SPAG16: variants seen among roughly 807,000 people sequenced by gnomAD.
SPAG16 encodes sperm associated antigen 16, also known as sperm-associated antigen 16 protein.
SPAG16 carries 86 observed loss-of-function variants against 80.4 expected under a neutral mutation model. The observed-to-expected ratio is 1.07, with a 90% CI of 0.90 to 1.28. The LOEUF is 1.28. Among genes scored for constraint, SPAG16 ranks in the 50% most tolerant of loss-of-function variants. The probability of loss-of-function intolerance (pLI) is 0.00; values close to 1 mark genes in which losing one functional copy is unlikely to be tolerated. For missense variants in SPAG16, 870 were observed against 765.3 expected (o/e 1.14, Z -1.61); for synonymous variants, 294 against 265.9 (o/e 1.11, Z -1.03).
rs369130283 is a variant in SPAG16, at chr2:213,486,540, A to T, written c.943-3423A>T. Among the ~76,000 whole-genome samples the T allele has an allele frequency of 5.9e-5, 9 of 152,244 alleles. No homozygotes were observed. In the South Asian group the frequency reaches 1.2e-3, roughly 21 times the overall value. ...TGTCATTTGCAGCAACATGGATGGA[A>T]CTGAAAGTTATTATGTTAAGTGAAA... On this transcript the variant is annotated intron_variant, in intron 9 of 15. Transcript: ENST00000331683.
intron 9 of SPAG16, among the ~76,000 whole-genome samples, chr2:213,412,083 A>C (rs923264365): frequency 4.0e-5 from 6 of 151,820 alleles, no homozygotes; most frequent in Non-Finnish European, 7.4e-5. Context: ...TACCTACTCC[A>C]CCCTGACTCA....
intron 14 of SPAG16, among the ~76,000 whole-genome samples, chr2:214,118,865 T>C (rs974177195): frequency 6.7e-6 from 1 of 149,220 alleles, no homozygotes; most frequent in Non-Finnish European, 1.5e-5. Context: ...TTTCAAATCT[T>C]TTTGGAACCA....
chr2:213,343,417 G>GAAAAC (rs1181138465), intron 6 of SPAG16, among the ~76,000 whole-genome samples: 1 of 151,956 alleles, frequency 6.6e-6, no homozygotes, highest in Non-Finnish European at 1.5e-5. Flanking sequence ...TTTAAAGGAA[G>GAAAAC]AAAACAAAAT....
At chr2:213,665,790 A>G (rs2063579090) in intron 10 of SPAG16, among the ~76,000 whole-genome samples, 1 of 152,158 alleles carries the variant, frequency 6.6e-6, no homozygotes. Flanking sequence ...TCTAACAAAC[A>G]TATTTTCTCT....
chr2:213,310,270 C>A, intron 4 of SPAG16, 93 bp downstream of exon 4: 47 of 692,276 alleles, frequency 6.8e-5, no homozygotes, highest in Middle Eastern at 5.0e-4. Flanking sequence ...AATGACTCAG[C>A]CTATGAAAAA....
intron 15 of SPAG16, among the ~76,000 whole-genome samples, chr2:214,332,445 G>T (rs751887120): frequency 2.0e-5 from 3 of 152,134 alleles, no homozygotes; most frequent in Non-Finnish European, 4.4e-5. Context: ...TTGTCAAACG[G>T]CTAAGTCAAT....
At chr2:213,605,962 T>C (rs2061246624) in intron 10 of SPAG16, among the ~76,000 whole-genome samples, 1 of 152,206 alleles carries the variant, frequency 6.6e-6, no homozygotes, top group Admixed American at 6.5e-5. Context: ...TTCATGGTTC[T>C]TTCCAGATGG....
rs1398373575 is a variant in SPAG16, at chr2:213,746,852, A to G, written c.1071-115633A>G. Among the ~76,000 whole-genome samples, 4 of 152,168 alleles carry G rather than the reference A, an allele frequency of 2.6e-5. No individual in the cohort carries two copies. The East Asian group carries it at 7.7e-4, about 29-fold the overall frequency. ...AGTATAGCACATATGATTGTGTACA[A>G]TACGTAATACCTGATAGTGATAATA... On this transcript the variant is annotated intron_variant, in intron 10 of 15. Transcript: ENST00000331683.
chr2:213,800,889 C>A (rs2662664), intron 10 of SPAG16, among the ~76,000 whole-genome samples: 140,202 of 152,180 alleles, frequency 0.92, 65,682 homozygotes, highest in East Asian at 1. Context: ...TGTGTTTTGC[C>A]GCAGCAGAAA....
chr2:213,715,894 C>G (rs935583169), intron 10 of SPAG16, among the ~76,000 whole-genome samples: 1 of 151,830 alleles, frequency 6.6e-6, no homozygotes, highest in Non-Finnish European at 1.5e-5. Context: ...TGGGACACCA[C>G]TCCTTCCCCA....
intron 7 of SPAG16, among the ~76,000 whole-genome samples, chr2:213,363,474 T>C (rs2066109538): frequency 6.6e-6 from 1 of 152,220 alleles, no homozygotes; most frequent in Non-Finnish European, 1.5e-5. Context: ...TGGTATTTTG[T>C]GTTGGTATAA....
chr2:213,743,744 A>G (rs1459321604), intron 10 of SPAG16, among the ~76,000 whole-genome samples: 2 of 151,686 alleles, frequency 1.3e-5, no homozygotes, highest in Non-Finnish European at 2.9e-5. Context: ...TTTTTAATTA[A>G]CTTGTTTTTG....
chr2:213,590,346 T>G (rs1233879146), intron 10 of SPAG16, among the ~76,000 whole-genome samples: 1 of 151,978 alleles, frequency 6.6e-6, no homozygotes, highest in East Asian at 1.9e-4. Flanking sequence ...TTTTCAACCC[T>G]TTCCCTCCAT....
In SPAG16 at chr2:213,764,149, G is replaced by A. The variant is rs2068807648; in HGVS notation, c.1071-98336G>A. On this transcript the variant is annotated intron_variant, in intron 10 of 15. Coordinates refer to ENST00000331683, the MANE Select transcript of SPAG16 (RefSeq NM_024532.5). ...AGTTATTCAGAAAGATGGTGATTTA[G>A]AAAAATGCTGACTATGTAAACGAGA... Among the ~76,000 whole-genome samples the A allele has an allele frequency of 2.0e-5, 3 of 152,154 alleles. No individual in the cohort carries two copies. The South Asian group carries it at 6.2e-4, about 31-fold the overall frequency.
intron 13 of SPAG16, among the ~76,000 whole-genome samples, chr2:214,100,701 GTCCT>G (rs2052953631): frequency 6.6e-6 from 1 of 152,024 alleles, no homozygotes; most frequent in African/African-American, 2.4e-5. Flanking sequence ...TCTATCCATG[GTCCT>G]GCAAAGGACA....
At chr2:214,188,781 TTACTTCCACACTTCTTAAGCA>T (rs2057561098) in intron 15 of SPAG16, among the ~76,000 whole-genome samples, 1 of 152,166 alleles carries the variant, frequency 6.6e-6, no homozygotes, top group Non-Finnish European at 1.5e-5. Context: ...GTTACTGCAA[TTACTTCCACACTTCTTAAGCA>T]ACACATCTAT....
chr2:213,790,491 T>C (rs937540943), intron 10 of SPAG16, among the ~76,000 whole-genome samples: 2 of 151,908 alleles, frequency 1.3e-5, no homozygotes, highest in Non-Finnish European at 2.9e-5. Flanking sequence ...GTTTAATGGA[T>C]TATTTTTCTT....
chr2:213,391,842 T>C (rs1273405001), intron 9 of SPAG16, among the ~76,000 whole-genome samples: 1 of 152,308 alleles, frequency 6.6e-6, no homozygotes, highest in Non-Finnish European at 1.5e-5. Flanking sequence ...TTTTCCCTGA[T>C]TGTGAGTATA....
intron 15 of SPAG16, among the ~76,000 whole-genome samples, chr2:214,314,194 G>A (rs1039966187): frequency 6.6e-6 from 1 of 151,964 alleles, no homozygotes; most frequent in African/African-American, 2.4e-5. Context: ...TACTTTCTTA[G>A]AAATGGAATT....
Sources: allele counts gnomAD v4.1 joint callset (sites outside exome capture counted in the v4.1 genomes callset), GRCh38; gene constraint gnomAD v4.1.1; transcripts MANE v1.5; gene names NCBI Gene and HGNC (gene_info 2026-07-23, HGNC 2026-07-21).